FRMPD4: variants seen among roughly 807,000 people sequenced by gnomAD.
FRMPD4 encodes the protein FERM and PDZ domain-containing protein 4.
FRMPD4 carries 22 observed loss-of-function variants against 94.1 expected under a neutral mutation model. That is an observed-to-expected ratio of 0.23 (90% CI 0.17 to 0.33). The LOEUF (loss-of-function observed/expected upper bound fraction) is 0.33, where lower values mean the gene tolerates loss of function less well. Among genes scored for constraint, FRMPD4 ranks in the 10% least tolerant of loss-of-function variants. The pLI, the probability that FRMPD4 is intolerant of heterozygous loss-of-function variation, is 1.00. For synonymous variants in FRMPD4, 631 were observed against 548.6 expected (o/e 1.15, Z -2.10); for missense variants, 1,111 against 1,339.9 (o/e 0.83, Z 2.67).
chrX:11,922,417 A>C (rs1178821427), intron 3 of FRMPD4, among the ~76,000 whole-genome samples: 1 of 111,610 alleles, frequency 9.0e-6, no homozygotes, highest in African/African-American at 3.3e-5. Context: ...TTCATGAGAA[A>C]CCTACCCCCA....
intron 1 of FRMPD4, among the ~76,000 whole-genome samples, chrX:11,827,917 G>T (rs1410238267): frequency 8.9e-6 from 1 of 111,857 alleles, no homozygotes; most frequent in Non-Finnish European, 1.9e-5. Flanking sequence ...ATGGCAACAT[G>T]ATATAAACAG....
chrX:12,459,364 A>T (rs2057369855), intron 1 of FRMPD4, among the ~76,000 whole-genome samples: 1 of 111,065 alleles, frequency 9.0e-6, no homozygotes. Flanking sequence ...CTGAAGTGTA[A>T]TTGCTGAATT....
At chrX:11,832,946 C>G (rs1404627095) in intron 1 of FRMPD4, among the ~76,000 whole-genome samples, 1 of 112,013 alleles carries the variant, frequency 8.9e-6, no homozygotes, top group Non-Finnish European at 1.9e-5. Context: ...TGTAGTATCA[C>G]ACAGAATAGG....
intron 3 of FRMPD4, among the ~76,000 whole-genome samples, chrX:11,985,351 A>G (rs759103143): frequency 1.8e-5 from 2 of 111,487 alleles, no homozygotes; most frequent in Non-Finnish European, 3.8e-5. Flanking sequence ...GGCAGGATTT[A>G]TCACCTGATG....
At position 12,723,164 on chromosome X, in the gene FRMPD4, T is replaced by G. The variant is rs1438410726; in HGVS notation, c.*1306T>G. 1 of 111,224 alleles carries G rather than the reference T, an allele frequency of 9.0e-6. No homozygotes were observed. The highest frequency in any genetic ancestry group is 1.9e-5 in the Non-Finnish European group (1 of 52,986). The allele number at this position is 111,224 out of a possible 1,213,427, so 9.2% of individuals were successfully genotyped here. On this transcript the variant is annotated 3_prime_UTR_variant, in exon 17 of 17. Transcript: ENST00000675598. ...AATGGAAGTGGTATATTTGACCAGT[T>G]CAAGTGAAACCAATGGAATGCAAAG... is the stretch of plus-strand genomic sequence containing the variant.
At chrX:12,460,908 G>T (rs761178133) in intron 1 of FRMPD4, among the ~76,000 whole-genome samples, 3 of 111,610 alleles carry the variant, frequency 2.7e-5, no homozygotes, top group Non-Finnish European at 5.7e-5. Flanking sequence ...ATCCTCTTTT[G>T]TGCTACATGT....
intron 1 of FRMPD4, among the ~76,000 whole-genome samples, chrX:12,488,567 AG>A (rs1254387318): frequency 8.9e-6 from 1 of 111,971 alleles, no homozygotes; most frequent in Non-Finnish European, 1.9e-5. Flanking sequence ...ATAAATATGC[AG>A]GTATGTGATG....
intron 3 of FRMPD4, among the ~76,000 whole-genome samples, chrX:12,112,085 A>G (rs2055368222): frequency 8.9e-6 from 1 of 112,153 alleles, no homozygotes; most frequent in Admixed American, 9.4e-5. Context: ...CCAAAGGACT[A>G]TAAATCATAC....
intron 4 of FRMPD4, among the ~76,000 whole-genome samples, chrX:12,639,071 A>T (rs945049333): frequency 2.7e-5 from 3 of 111,573 alleles, no homozygotes; most frequent in African/African-American, 9.8e-5. Context: ...TTCCACATGG[A>T]TACTGTTGGT....
chrX:12,708,483 AAC>A (rs1334774370), intron 13 of FRMPD4, among the ~76,000 whole-genome samples: 139 of 103,889 alleles, frequency 1.3e-3, no homozygotes, highest in African/African-American at 5.5e-3. Flanking sequence ...AAAAAAAAAA[AAC>A]ACAAAAATCT....
chrX:12,269,864 A>G, intron 1 of FRMPD4, among the ~76,000 whole-genome samples: 1 of 112,533 alleles, frequency 8.9e-6, no homozygotes, highest in South Asian at 3.7e-4. Context: ...ACTTTGTGCC[A>G]TTGGCATGAG....
At chrX:12,265,904 G>A (rs1007964512) in intron 1 of FRMPD4, among the ~76,000 whole-genome samples, 7 of 108,915 alleles carry the variant, frequency 6.4e-5, no homozygotes, top group Non-Finnish European at 1.1e-4. Flanking sequence ...CGAGGTGGGC[G>A]GATCACGAGG....
At chrX:12,395,269 C>A (rs1406599298) in intron 1 of FRMPD4, among the ~76,000 whole-genome samples, 1 of 112,182 alleles carries the variant, frequency 8.9e-6, no homozygotes, top group Non-Finnish European at 1.9e-5. Context: ...TCTAACAAAA[C>A]CCTTCCAACA....
intron 1 of FRMPD4, among the ~76,000 whole-genome samples, chrX:12,168,969 C>A (rs2056174524): frequency 1.8e-5 from 2 of 111,951 alleles, no homozygotes; most frequent in South Asian, 7.4e-4. Flanking sequence ...CACAGAGTTT[C>A]TTTCATCTTC....
chrX:12,026,794 A>G (rs2054663797), intron 3 of FRMPD4, among the ~76,000 whole-genome samples: 1 of 112,734 alleles, frequency 8.9e-6, no homozygotes, highest in African/African-American at 3.2e-5. Context: ...GGAGGGAAAA[A>G]AAAACATTAA....
Position 11,991,514 on chromosome X carries a change from A to C in FRMPD4, c.95+113496A>C, listed in dbSNP as rs149554581. ...TCAATAGACCATGGAGGTGTACACTATACTAGAATTTCTAACCTCTATTCC... is the reference window on the plus strand; with the variant it reads ...TCAATAGACCATGGAGGTGTACACTCTACTAGAATTTCTAACCTCTATTCC... On this transcript the variant is annotated intron_variant, in intron 3 of 18. Coordinates refer to the FRMPD4 transcript ENST00000640291. 4.8e-3 allele frequency among the ~76,000 whole-genome samples: 538 copies of C among 112,005 alleles called. 3 individuals are homozygous for C. Among genetic ancestry groups the C allele is most frequent in the African/African-American group, 0.017 (514 of 30,886 alleles).
intron 2 of FRMPD4, among the ~76,000 whole-genome samples, chrX:12,555,883 CA>C (rs762106265): frequency 1.8e-5 from 2 of 112,043 alleles, no homozygotes; most frequent in South Asian, 3.8e-4. Flanking sequence ...ACTTTTATAT[CA>C]AATTAAACAT....
chrX:12,365,435 G>A (rs1285339991), intron 1 of FRMPD4, among the ~76,000 whole-genome samples: 6 of 111,532 alleles, frequency 5.4e-5, no homozygotes, highest in Admixed American at 9.5e-5. Flanking sequence ...TCTTGATTGT[G>A]GTTCCTGGCC....
Position 12,717,021 on chromosome X carries a change from C to T in FRMPD4, c.2562C>T (p.Pro854=). The T allele has an allele frequency of 8.3e-7, 1 of 1,207,852 alleles. No homozygotes were observed. The highest frequency in any genetic ancestry group is 1.1e-6 in the Non-Finnish European group (1 of 891,607). Residue 854 remains proline, a synonymous_variant, in exon 15 of 17, where the codon CCC becomes CCT. Coordinates refer to ENST00000675598, the MANE Select transcript of FRMPD4 (RefSeq NM_001368397.1). ...EIPVSLIDAV[P]TSAEGKCEKG... ...CCGTGTCCCTCATTGACGCTGTGCC[C>T]ACCAGCGCCGAAGGCAAGTGTGAGA...
Sources: allele counts gnomAD v4.1 joint callset (sites outside exome capture counted in the v4.1 genomes callset), GRCh38; gene constraint gnomAD v4.1.1; transcripts MANE v1.5; gene names NCBI Gene and HGNC (gene_info 2026-07-23, HGNC 2026-07-21).